The following TFB1M variants were observed in gnomAD, a reference collection of about 807,000 sequenced individuals.
TFB1M encodes dimethyladenosine transferase 1, mitochondrial.
TFB1M carries 27 observed loss-of-function variants against 31.1 expected under a neutral mutation model. That is an observed-to-expected ratio of 0.87 (90% CI 0.64 to 1.20). TFB1M has a LOEUF of 1.20. Among genes scored for constraint, TFB1M ranks in the 50% most tolerant of loss-of-function variants. TFB1M has a pLI of 0.00. For missense variants in TFB1M, 394 were observed against 418.7 expected (o/e 0.94, Z 0.51); for synonymous variants, 166 against 151.8 (o/e 1.09, Z -0.69).
At chr6:155,244,134 C>G in the TFB1M span, 1 of 1,509,950 alleles carries the variant, frequency 6.6e-7, no homozygotes, top group Non-Finnish European at 9.2e-7. Context: ...TCTCTGTTTG[C>G]CTTTTAGCAG....
At chr6:155,242,866 G>C in the TFB1M span, among the ~76,000 whole-genome samples, 2 of 151,560 alleles carry the variant, frequency 1.3e-5, no homozygotes, top group Non-Finnish European at 2.9e-5. Context: ...TTCCTGAGTA[G>C]CTGGGACTAC....
chr6:155,235,721 T>G, the TFB1M span, among the ~76,000 whole-genome samples: 1 of 152,230 alleles, frequency 6.6e-6, no homozygotes, highest in Non-Finnish European at 1.5e-5. Context: ...ACTTGAACAC[T>G]TAATTGTGGT....
chr6:155,260,225 G>A, intron 6 of TFB1M, 48 bp downstream of exon 6: 1 of 1,608,634 alleles, frequency 6.2e-7, no homozygotes, highest in Non-Finnish European at 8.5e-7. Flanking sequence ...AAAAGTGCCT[G>A]AGGATTTTAT....
At chr6:155,309,194 T>C (rs1457458761) in intron 2 of TFB1M, among the ~76,000 whole-genome samples, 1 of 152,234 alleles carries the variant, frequency 6.6e-6, no homozygotes, top group Non-Finnish European at 1.5e-5. Context: ...ATATGAGAGA[T>C]ACATATACAT....
At chr6:155,260,166 T>A in intron 6 of TFB1M, 107 bp downstream of exon 6, 1 of 1,249,836 alleles carries the variant, frequency 8.0e-7, no homozygotes, top group Non-Finnish European at 1.2e-6. Flanking sequence ...CTGAACTAAG[T>A]GTAATACTCA....
intron 4 of TFB1M, among the ~76,000 whole-genome samples, chr6:155,287,192 G>A (rs919334857): frequency 3.3e-5 from 5 of 152,090 alleles, no homozygotes; most frequent in African/African-American, 2.4e-5. Flanking sequence ...GCTAGTGAGA[G>A]AGGAAATCTG....
chr6:155,237,697 T>C, the TFB1M span, among the ~76,000 whole-genome samples: 1 of 152,272 alleles, frequency 6.6e-6, no homozygotes, highest in African/African-American at 2.4e-5. Context: ...GGCTTGAGAC[T>C]TGCACCCTCT....
At chr6:155,248,995 G>C in the TFB1M span, among the ~76,000 whole-genome samples, 1 of 152,248 alleles carries the variant, frequency 6.6e-6, no homozygotes, top group South Asian at 2.1e-4. Flanking sequence ...AAGCATTTTT[G>C]TATGACAGTT....
At chr6:155,245,747 CT>C in the TFB1M span, 3 of 934,708 alleles carry the variant, frequency 3.2e-6, no homozygotes, top group African/African-American at 2.4e-5. Flanking sequence ...TTGCTTATGC[CT>C]TTTATAGTTT....
intron 1 of TFB1M, chr6:155,313,304 C>T (rs920521616): frequency 6.6e-6 from 1 of 150,504 alleles, no homozygotes; most frequent in African/African-American, 2.4e-5. Context: ...TATCCAAAGT[C>T]ATATTGGTAC....
chr6:155,260,275 G>A lies in TFB1M; in HGVS notation c.792C>T (p.Leu264=). The A allele has an allele frequency of 6.2e-7, 1 of 1,614,218 alleles. No homozygotes were observed. Among genetic ancestry groups the A allele is most frequent in the South Asian group, 1.1e-5 (1 of 91,078 alleles). Residue 264 remains leucine, a splice_region_variant and synonymous_variant, in exon 6 of 7, where the codon CTC becomes CTT. Coordinates refer to ENST00000367166, the MANE Select transcript of TFB1M (RefSeq NM_016020.4). ...AAGAGAAGAAAAGGCATTCTTACCT[G>A]AGCCCTCGATGGCAGTATTTCCTTC... ...QFRRKYCHRG[L]RMLFPEAQRL...
At chr6:155,230,102 A>G in the TFB1M span, among the ~76,000 whole-genome samples, 2 of 151,706 alleles carry the variant, frequency 1.3e-5, no homozygotes, top group Non-Finnish European at 2.9e-5. Context: ...TCCACCACAT[A>G]GCCCATCATG....
intron 2 of TFB1M, among the ~76,000 whole-genome samples, chr6:155,307,118 G>C (rs1777802636): frequency 6.9e-6 from 1 of 144,946 alleles, no homozygotes. Flanking sequence ...GACAGAGTGA[G>C]ACCATGTCTC....
At chr6:155,233,513 C>A in the TFB1M span, among the ~76,000 whole-genome samples, 1 of 152,102 alleles carries the variant, frequency 6.6e-6, no homozygotes, top group South Asian at 2.1e-4. Context: ...GGTTTATGGG[C>A]TCCTTGAAAA....
At chr6:155,295,553 T>C (rs1313735827) in intron 4 of TFB1M, among the ~76,000 whole-genome samples, 2 of 152,030 alleles carry the variant, frequency 1.3e-5, no homozygotes, top group Non-Finnish European at 2.9e-5. Context: ...TAATTACCCA[T>C]GTTGGGGGTG....
chr6:155,296,037 C>A (rs1246163396), intron 4 of TFB1M, among the ~76,000 whole-genome samples: 1 of 152,036 alleles, frequency 6.6e-6, no homozygotes, highest in Non-Finnish European at 1.5e-5. Flanking sequence ...TTTTAAAAAA[C>A]CACTTAAGAG....
At chr6:155,243,547 G>C in the TFB1M span, among the ~76,000 whole-genome samples, 2 of 152,084 alleles carry the variant, frequency 1.3e-5, no homozygotes, top group African/African-American at 4.8e-5. Context: ...TACTTTTGGG[G>C]TCAGGAATTT....
At chr6:155,299,696 C>T (rs113829302) in intron 2 of TFB1M, among the ~76,000 whole-genome samples, 1,854 of 152,240 alleles carry the variant, frequency 0.012, 32 homozygotes, top group Non-Finnish European at 0.015. Context: ...GAACATTTGC[C>T]CTGAGCCTAC....
At chr6:155,243,988 CACTT>C in the TFB1M span, 9 of 1,607,928 alleles carry the variant, frequency 5.6e-6, no homozygotes, top group Admixed American at 3.3e-5. Flanking sequence ...GCGTTGAAGA[CACTT>C]TCTTCTATTT....
Sources: allele counts gnomAD v4.1 joint callset (sites outside exome capture counted in the v4.1 genomes callset), GRCh38; gene constraint gnomAD v4.1.1; transcripts MANE v1.5; gene names NCBI Gene and HGNC (gene_info 2026-07-23, HGNC 2026-07-21).